The following RORB variants were observed in gnomAD, a reference collection of about 807,000 sequenced individuals.
The protein encoded by RORB is RAR related orphan receptor B, also known as nuclear receptor ROR-beta.
A neutral mutation model predicts 59.1 loss-of-function variants in RORB; 6 were observed. The ratio of observed to expected loss-of-function variants is 0.10; its 90% CI spans 0.06 to 0.20. The LOEUF (loss-of-function observed/expected upper bound fraction) is 0.20, where lower values mean the gene tolerates loss of function less well. RORB is among the 10% of genes least tolerant of loss of function. RORB has a pLI of 1.00. For missense variants in RORB, 320 were observed against 560.5 expected (o/e 0.57, Z 4.33); for synonymous variants, 215 against 204.5 (o/e 1.05, Z -0.44).
chr9:74,532,345 C>CT (rs1448503376), intron 1 of RORB, among the ~76,000 whole-genome samples: 4 of 151,876 alleles, frequency 2.6e-5, no homozygotes, highest in African/African-American at 9.7e-5. Flanking sequence ...AAGCACCACT[C>CT]TAAGTTTCCC....
rs556182039 is a variant in RORB at position 74,685,570 on chromosome 9, G to A, written c.1332G>A (p.Pro444=). ...AGATAGTGAATACACTGTTTCCTCCGTTATACAAGGAGCTCTTTAATCCTG... is the reference window on the plus strand; with the variant it reads ...AGATAGTGAATACACTGTTTCCTCCATTATACAAGGAGCTCTTTAATCCTG... ...HPEIVNTLFP[P]LYKELFNPDC... The change falls in exon 10 of 10, where the codon CCG becomes CCA. Residue 444 remains proline, a synonymous_variant. Transcript: ENST00000376896. 31 of 1,611,390 alleles carry A rather than the reference G, an allele frequency of 1.9e-5. No homozygotes were observed. The South Asian group carries it at 2.6e-4, about 14-fold the overall frequency.
At chr9:74,537,181 CCTT>C (rs1206086843) in intron 1 of RORB, among the ~76,000 whole-genome samples, 2 of 151,970 alleles carry the variant, frequency 1.3e-5, no homozygotes, top group South Asian at 2.1e-4. Flanking sequence ...CATGGTGCCT[CCTT>C]CATCATTCAT....
chr9:74,564,622 G>A (rs761848654), intron 1 of RORB, among the ~76,000 whole-genome samples: 4 of 152,112 alleles, frequency 2.6e-5, no homozygotes, highest in Admixed American at 6.6e-5. Flanking sequence ...TTGTATAGCC[G>A]ACTATGGTTC....
Position 74,685,603 on chromosome 9 carries a change from C to T in RORB, c.1365C>T (p.Ala455=). 1 of 1,595,582 alleles carries T rather than the reference C, an allele frequency of 6.3e-7. No homozygotes were observed. The highest frequency in any genetic ancestry group is 1.1e-5 in the South Asian group (1 of 89,750). ...LYKELFNPDC[A]TGCK ...AGGAGCTCTTTAATCCTGACTGTGC[C>T]ACCGGCTGCAAATGAAGGGGACAAG... Residue 455 remains alanine (A), a synonymous_variant, in exon 10 of 10, where the codon GCC becomes GCT. Coordinates refer to ENST00000376896, the MANE Select transcript of RORB (RefSeq NM_006914.4).
intron 1 of RORB, among the ~76,000 whole-genome samples, chr9:74,525,216 T>C (rs1374546504): frequency 2.0e-5 from 3 of 151,958 alleles, no homozygotes; most frequent in Non-Finnish European, 4.4e-5. Context: ...TGTGCCATAA[T>C]CACTACTGTG....
intron 4 of RORB, among the ~76,000 whole-genome samples, chr9:74,647,538 A>T (rs1266066815): frequency 6.6e-6 from 1 of 152,228 alleles, no homozygotes; most frequent in Non-Finnish European, 1.5e-5. Context: ...CTCTCCAGAT[A>T]AAGACAATGA....
intron 1 of RORB, among the ~76,000 whole-genome samples, chr9:74,505,637 G>A (rs941791666): frequency 6.6e-6 from 1 of 152,054 alleles, no homozygotes; most frequent in Non-Finnish European, 1.5e-5. Flanking sequence ...AAGGGGAAGT[G>A]ATGTTTGAGA....
chr9:74,502,998 C>T (rs1356378497), intron 1 of RORB, among the ~76,000 whole-genome samples: 1 of 151,814 alleles, frequency 6.6e-6, no homozygotes, highest in African/African-American at 2.4e-5. Flanking sequence ...TTAACATTAA[C>T]AAAACATTTA....
In RORB at chr9:74,665,485, T is replaced by C. The variant is rs2118525936; in HGVS notation, c.893-3T>C. 6.3e-7 allele frequency: 1 copy of C among 1,577,652 alleles called. No individual in the cohort carries two copies. The highest frequency in any genetic ancestry group is 1.7e-5 in the Admixed American group (1 of 59,538). On this transcript the variant is annotated splice_polypyrimidine_tract_variant and splice_region_variant and intron_variant, in intron 6 of 9. Transcript: ENST00000376896. ...TATTTTTATTTTTATTTTTTACTCATAGGTTGCTTGGAAGTGGTTTTAGTG... is the reference window on the plus strand; with the variant it reads ...TATTTTTATTTTTATTTTTTACTCACAGGTTGCTTGGAAGTGGTTTTAGTG...
intron 1 of RORB, among the ~76,000 whole-genome samples, chr9:74,577,451 G>A (rs1438221205): frequency 6.6e-6 from 1 of 152,034 alleles, no homozygotes; most frequent in Non-Finnish European, 1.5e-5. Flanking sequence ...GCACTGTCAG[G>A]CATCACAGTA....
At chr9:74,660,114 TTC>T (rs1204717166) in intron 4 of RORB, among the ~76,000 whole-genome samples, 9 of 152,166 alleles carry the variant, frequency 5.9e-5, no homozygotes, top group Admixed American at 4.6e-4. Flanking sequence ...TGTCTCTGCA[TTC>T]TGTTCCCTAT....
At chr9:74,501,767 T>C (rs1484402890) in intron 1 of RORB, among the ~76,000 whole-genome samples, 1 of 152,228 alleles carries the variant, frequency 6.6e-6, no homozygotes, top group Non-Finnish European at 1.5e-5. Context: ...CATACTGGAC[T>C]TCTGGGATAG....
At chr9:74,503,441 T>C (rs528100947) in intron 1 of RORB, among the ~76,000 whole-genome samples, 85 of 152,144 alleles carry the variant, frequency 5.6e-4, no homozygotes, top group African/African-American at 1.9e-3. Context: ...TTATCTTTGC[T>C]TTCACAATCC....
rs554630684 is a variant in RORB at position 74,667,052 on chromosome 9, C to G, written c.1001-739C>G. Among the ~76,000 whole-genome samples the G allele has an allele frequency of 3.9e-5, 6 of 152,316 alleles. No individual in the cohort carries two copies. The South Asian group carries it at 6.2e-4, about 16-fold the overall frequency. On this transcript the variant is annotated intron_variant, in intron 7 of 9. Coordinates refer to ENST00000376896, the MANE Select transcript of RORB (RefSeq NM_006914.4). ...TTCTACAGTTGATACACATCCATGT[C>G]ATCTCCAAGGCTAGATTTTCAAGAA...
intron 1 of RORB, among the ~76,000 whole-genome samples, chr9:74,500,336 AG>A (rs1341395643): frequency 4.6e-5 from 7 of 152,088 alleles, no homozygotes; most frequent in Non-Finnish European, 1.0e-4. Context: ...ACAGTATGAG[AG>A]GCTGTTCCGT....
intron 1 of RORB, among the ~76,000 whole-genome samples, chr9:74,536,754 A>G (rs994858126): frequency 6.6e-6 from 1 of 152,050 alleles, no homozygotes; most frequent in Non-Finnish European, 1.5e-5. Flanking sequence ...ATACAAAAAG[A>G]AAACATCAGC....
At chr9:74,541,175 G>A (rs2118134035) in intron 1 of RORB, among the ~76,000 whole-genome samples, 1 of 149,632 alleles carries the variant, frequency 6.7e-6, no homozygotes. Flanking sequence ...AGCTACTCAG[G>A]AGGCTGAGGC....
chr9:74,526,574 C>A (rs1382349218), intron 1 of RORB, among the ~76,000 whole-genome samples: 1 of 151,922 alleles, frequency 6.6e-6, no homozygotes, highest in Non-Finnish European at 1.5e-5. Flanking sequence ...TGTAAGACAT[C>A]CAACACAAAC....
rs532973283 is a variant in RORB, at chr9:74,583,228, T to C, written c.8-47054T>C. ...ACCAACTTACTATTGCCTCAGTAGATGGTTATAAAGCAGCAGCTAGACTAA... is the reference window on the plus strand; with the variant it reads ...ACCAACTTACTATTGCCTCAGTAGACGGTTATAAAGCAGCAGCTAGACTAA... On this transcript the variant is annotated intron_variant, in intron 1 of 9. Transcript: ENST00000376896. Among the ~76,000 whole-genome samples the C allele has an allele frequency of 1.1e-4, 16 of 152,192 alleles. No individual in the cohort carries two copies. In the South Asian group the frequency reaches 3.3e-3, roughly 32 times the overall value.
Sources: allele counts gnomAD v4.1 joint callset (sites outside exome capture counted in the v4.1 genomes callset), GRCh38; gene constraint gnomAD v4.1.1; transcripts MANE v1.5; gene names NCBI Gene and HGNC (gene_info 2026-07-23, HGNC 2026-07-21).